Variants in DSG4 observed in about 807,000 individuals in gnomAD.
The protein encoded by DSG4 is desmoglein-4.
DSG4 carries 87 observed loss-of-function variants against 93.1 expected under a neutral mutation model. The observed-to-expected ratio is 0.93, with a 90% confidence interval of 0.79 to 1.12. DSG4 has a LOEUF of 1.12. Ranked by LOEUF, DSG4 falls within the 50% of genes most tolerant of loss-of-function variation. DSG4 has a pLI of 0.00. For missense variants in DSG4, 1,373 were observed against 1,285.7 expected (o/e 1.07, Z -1.04); for synonymous variants, 432 against 452.9 (o/e 0.95, Z 0.59).
chr18:31,386,865 G>A (rs775598927), intron 3 of DSG4, 46 bp downstream of exon 3: 4 of 1,610,830 alleles, frequency 2.5e-6, no homozygotes, highest in Non-Finnish European at 3.4e-6. Flanking sequence ...GCAGAGCAGG[G>A]AAGCTTTCAA....
intron 15 of DSG4, among the ~76,000 whole-genome samples, chr18:31,411,848 AG>A (rs1264897391): frequency 6.6e-6 from 1 of 152,164 alleles, no homozygotes; most frequent in African/African-American, 2.4e-5. Context: ...AGCCTCCAAC[AG>A]AAAAGAGAAA....
intron 8 of DSG4, among the ~76,000 whole-genome samples, chr18:31,394,972 A>G (rs557919677): frequency 2.9e-4 from 44 of 152,310 alleles, no homozygotes; most frequent in African/African-American, 1.0e-3. Flanking sequence ...CTAAAATAAT[A>G]GAAGAATTTT....
At chr18:31,383,744 GC>G (rs2072159787) in intron 1 of DSG4, among the ~76,000 whole-genome samples, 1 of 152,032 alleles carries the variant, frequency 6.6e-6, no homozygotes, top group Admixed American at 6.6e-5. Context: ...TTCAGCCATG[GC>G]AAACGTTATT....
Position 31,403,779 on chromosome 18 carries a change from A to G in DSG4, c.1636+145A>G, listed in dbSNP as rs990197841. On this transcript the variant is annotated intron_variant, in intron 11 of 15. Transcript: ENST00000308128. ...TAACATTAAATGAAAAAAATATTTC[A>G]TGTACACAGAGGATATTTGATAAAA... The G allele has an allele frequency of 1.1e-5, 8 of 744,396 alleles. No individual in the cohort carries two copies. The Admixed American group carries it at 1.1e-4, about 11-fold the overall frequency. The allele number at this position is 744,396 out of a possible 1,614,324, so 46.1% of individuals were successfully genotyped here. A position where few individuals can be genotyped will look rare whatever the true frequency, so the allele number is the denominator to read the frequency against.
rs748253642 is a variant in DSG4 at position 31,413,205 on chromosome 18, C to G, written c.2733C>G (p.Tyr911Ter). 6.2e-7 allele frequency: 1 copy of G among 1,614,038 alleles called. No individual in the cohort carries two copies. Among genetic ancestry groups the G allele is most frequent in the Non-Finnish European group, 8.5e-7 (1 of 1,180,046 alleles). Residue 911 changes from tyrosine (Y) to a stop codon, truncating the protein, a stop_gained, in exon 16 of 16, where the codon TAC becomes TAG. Coordinates refer to ENST00000308128, the MANE Select transcript of DSG4 (RefSeq NM_177986.5). LOFTEE classifies it low-confidence loss of function (END_TRUNC). ...VHGDIIVTETYGNADPCVQPT... is the reference protein window; with the variant it reads ...VHGDIIVTET ...GGGATATTATTGTGACTGAGACTTACGGTAATGCTGATCCATGTGTGCAAC... is the reference window on the plus strand; with the variant it reads ...GGGATATTATTGTGACTGAGACTTAGGGTAATGCTGATCCATGTGTGCAAC...
chr18:31,406,770 TTTC>T (rs1181033015), intron 12 of DSG4, among the ~76,000 whole-genome samples: 1 of 152,052 alleles, frequency 6.6e-6, no homozygotes, highest in Non-Finnish European at 1.5e-5. Flanking sequence ...GGATTTTTTT[TTTC>T]TTTTTTTCTT....
intron 12 of DSG4, among the ~76,000 whole-genome samples, chr18:31,407,025 C>T (rs1349665671): frequency 6.6e-6 from 1 of 152,072 alleles, no homozygotes; most frequent in Admixed American, 6.6e-5. Flanking sequence ...GTCCACCTGC[C>T]TTGGGCTCCC....
intron 12 of DSG4, among the ~76,000 whole-genome samples, chr18:31,409,064 A>G (rs577110356): frequency 1.3e-5 from 2 of 152,338 alleles, no homozygotes; most frequent in East Asian, 1.9e-4. Context: ...TCCAGGTCCT[A>G]TAGCTGAATC....
rs758038264 is a variant in DSG4, at chr18:31,409,765, AC to A, written c.2097del (p.Met700Ter). ...TTCAGGATGTGTCAAATATATGTGC[AC>A]CCATGACAGCCTCAAATACCCAGGA... ...EDRDVSNICA[P>X]MTASNTQDRM... On this transcript the variant is annotated frameshift_variant, in exon 14 of 16. Transcript: ENST00000308128. LOFTEE classifies it high-confidence loss of function. The A allele has an allele frequency of 1.2e-6, 2 of 1,614,198 alleles. No homozygotes were observed. Among genetic ancestry groups the A allele is most frequent in the East Asian group, 2.2e-5 (1 of 44,888 alleles).
intron 2 of DSG4, 67 bp downstream of exon 2, chr18:31,385,238 A>C: frequency 1.8e-6 from 2 of 1,104,076 alleles, no homozygotes; most frequent in South Asian, 3.1e-5. Flanking sequence ...GTAATGTATT[A>C]TATATAAAAA....
intron 1 of DSG4, among the ~76,000 whole-genome samples, chr18:31,379,819 G>C (rs1417855137): frequency 1.3e-5 from 2 of 152,088 alleles, no homozygotes; most frequent in East Asian, 3.9e-4. Context: ...CTATTTACTT[G>C]TCAGGCAGAT....
chr18:31,380,825 A>G (rs1220092815), intron 1 of DSG4, among the ~76,000 whole-genome samples: 1 of 152,202 alleles, frequency 6.6e-6, no homozygotes, highest in Non-Finnish European at 1.5e-5. Context: ...TACTTTAAAT[A>G]CACTCAGAAT....
intron 9 of DSG4, 22 bp downstream of exon 9, chr18:31,399,565 T>C: frequency 1.9e-6 from 3 of 1,613,598 alleles, no homozygotes; most frequent in Non-Finnish European, 1.7e-6. Flanking sequence ...ATTTTCTTCA[T>C]GTTCTATGGT....
chr18:31,407,521 T>C (rs1050265639), intron 12 of DSG4, among the ~76,000 whole-genome samples: 1 of 152,204 alleles, frequency 6.6e-6, no homozygotes, highest in Non-Finnish European at 1.5e-5. Flanking sequence ...ACATTTTAGG[T>C]TGCCCTTGCA....
intron 6 of DSG4, 23 bp from the exon 7 acceptor site, chr18:31,391,055 C>A: frequency 6.2e-7 from 1 of 1,613,098 alleles, no homozygotes. Flanking sequence ...CTAAGTCTTA[C>A]GTTCTTTTTC....
chr18:31,380,817 C>T lies in DSG4; in HGVS notation c.48+3858C>T, dbSNP rs183951295. Among the ~76,000 whole-genome samples the T allele has an allele frequency of 2.3e-4, 35 of 152,278 alleles. 1 individual carries two copies. In the South Asian group the frequency reaches 5.6e-3, roughly 24 times the overall value. ...CAGTAGCCTTGTTCTGTAGCTACTACTTTAAATACACTCAGAATGTAAGAG... is the reference window on the plus strand; with the variant it reads ...CAGTAGCCTTGTTCTGTAGCTACTATTTTAAATACACTCAGAATGTAAGAG... On this transcript the variant is annotated intron_variant, in intron 1 of 15. Transcript: ENST00000308128.
At chr18:31,392,406 C>T (rs2072260405) in intron 8 of DSG4, 66 bp downstream of exon 8, 2 of 1,526,224 alleles carry the variant, frequency 1.3e-6, no homozygotes, top group Non-Finnish European at 1.8e-6. Context: ...TTTAAATGAC[C>T]TTAGAGACAG....
At chr18:31,408,665 C>T (rs2072453257) in intron 12 of DSG4, among the ~76,000 whole-genome samples, 1 of 152,180 alleles carries the variant, frequency 6.6e-6, no homozygotes, top group Non-Finnish European at 1.5e-5. Context: ...GGGCATCCAT[C>T]CCCTCAAGCA....
intron 1 of DSG4, among the ~76,000 whole-genome samples, chr18:31,381,354 A>G (rs894375337): frequency 2.0e-5 from 3 of 152,032 alleles, no homozygotes; most frequent in Non-Finnish European, 4.4e-5. Context: ...AGAGATTACA[A>G]AAGTCTCGAA....
Sources: allele counts gnomAD v4.1 joint callset (sites outside exome capture counted in the v4.1 genomes callset), GRCh38; gene constraint gnomAD v4.1.1; transcripts MANE v1.5; gene names NCBI Gene and HGNC (gene_info 2026-07-23, HGNC 2026-07-21).